The following RSRC1 variants were observed in gnomAD, a reference collection of about 807,000 sequenced individuals.
RSRC1 encodes the protein serine/Arginine-related protein 53.
Under a neutral mutation model 49.1 loss-of-function variants are expected in RSRC1, and 39 were observed. The observed-to-expected ratio is 0.79, with a 90% CI of 0.61 to 1.04. RSRC1 has a LOEUF of 1.04. Among genes scored for constraint, RSRC1 ranks in the 50% least tolerant of loss-of-function variants. The pLI is 0.00. For synonymous variants in RSRC1, 143 were observed against 130.8 expected (o/e 1.09, Z -0.63); for missense variants, 388 against 402.4 (o/e 0.96, Z 0.31).
chr3:158,236,945 T>C (rs546510792), intron 4 of RSRC1, among the ~76,000 whole-genome samples: 4 of 152,266 alleles, frequency 2.6e-5, no homozygotes, highest in African/African-American at 7.2e-5. Context: ...ATAAAACTAG[T>C]CTTAGAATTG....
intron 7 of RSRC1, among the ~76,000 whole-genome samples, chr3:158,492,660 C>A (rs1281315792): frequency 6.6e-6 from 1 of 152,188 alleles, no homozygotes; most frequent in Non-Finnish European, 1.5e-5. Flanking sequence ...TGTTCTCACT[C>A]TTCAAGTTTA....
chr3:158,279,991 A>G (rs1165941614), intron 4 of RSRC1, among the ~76,000 whole-genome samples: 1 of 152,216 alleles, frequency 6.6e-6, no homozygotes, highest in Non-Finnish European at 1.5e-5. Context: ...CAGTAGAGGT[A>G]GTATGCAGGC....
intron 6 of RSRC1, among the ~76,000 whole-genome samples, chr3:158,413,163 A>T (rs992402970): frequency 6.6e-6 from 1 of 152,288 alleles, no homozygotes; most frequent in African/African-American, 2.4e-5. Flanking sequence ...ATGGAACAGA[A>T]TAGAGATCTC....
intron 5 of RSRC1, among the ~76,000 whole-genome samples, chr3:158,339,249 G>A (rs1185047448): frequency 2.1e-5 from 3 of 139,772 alleles, no homozygotes; most frequent in Non-Finnish European, 3.0e-5. Context: ...CAGAGATTGC[G>A]CCACTGCAGT....
chr3:158,392,693 T>G (rs1376005373), intron 6 of RSRC1, among the ~76,000 whole-genome samples: 1 of 151,910 alleles, frequency 6.6e-6, no homozygotes, highest in Non-Finnish European at 1.5e-5. Context: ...TTTTTAGAGA[T>G]CTACAAAGAG....
intron 5 of RSRC1, among the ~76,000 whole-genome samples, chr3:158,328,027 CTG>C (rs919027984): frequency 1.3e-5 from 2 of 152,112 alleles, no homozygotes; most frequent in Non-Finnish European, 2.9e-5. Flanking sequence ...GGTTTAAAGT[CTG>C]TTTTATCAGA....
intron 4 of RSRC1, among the ~76,000 whole-genome samples, chr3:158,226,135 G>C (rs554914303): frequency 2.6e-5 from 4 of 151,998 alleles, no homozygotes; most frequent in East Asian, 1.9e-4. Context: ...TGAGGGAATG[G>C]AATGGGTCTG....
intron 4 of RSRC1, among the ~76,000 whole-genome samples, chr3:158,231,990 T>C (rs948659231): frequency 1.3e-5 from 2 of 151,594 alleles, no homozygotes; most frequent in Admixed American, 1.3e-4. Context: ...ACAGTAGGAG[T>C]GAGATTATTC....
chr3:158,484,947 A>G (rs1738761025), intron 7 of RSRC1, among the ~76,000 whole-genome samples: 1 of 152,088 alleles, frequency 6.6e-6, no homozygotes, highest in African/African-American at 2.4e-5. Flanking sequence ...TCTACATGCT[A>G]GTTTTTGTTT....
intron 5 of RSRC1, among the ~76,000 whole-genome samples, chr3:158,310,265 G>A (rs1728055698): frequency 2.0e-5 from 3 of 151,580 alleles, no homozygotes; most frequent in Admixed American, 6.6e-5. Flanking sequence ...TTCTCCCCTT[G>A]TAATCGTTGT....
chr3:158,348,590 T>C (rs903650387), intron 5 of RSRC1, among the ~76,000 whole-genome samples: 2 of 152,090 alleles, frequency 1.3e-5, no homozygotes, highest in Non-Finnish European at 2.9e-5. Context: ...TTTTATTTTT[T>C]TTTATTTTAG....
intron 6 of RSRC1, among the ~76,000 whole-genome samples, chr3:158,431,786 A>G (rs1008082927): frequency 6.6e-6 from 1 of 151,960 alleles, no homozygotes; most frequent in African/African-American, 2.4e-5. Flanking sequence ...ATTTTTAGGC[A>G]TTAATTTCCC....
At position 158,236,677 on chromosome 3, in the gene RSRC1, T is replaced by C. The variant is rs1578227906; in HGVS notation, c.494+33432T>C. On this transcript the variant is annotated intron_variant, in intron 4 of 9. Coordinates refer to ENST00000611884, the MANE Select transcript of RSRC1 (RefSeq NM_001271838.2). Reference sequence around the variant, plus strand: ...CCTTTTATTGATGAGTAGTATTCCATTGAATGAATGAACCACAATTTATTC... The same window carrying C: ...CCTTTTATTGATGAGTAGTATTCCACTGAATGAATGAACCACAATTTATTC... Among the ~76,000 whole-genome samples the C allele has an allele frequency of 2.6e-5, 4 of 152,288 alleles. No homozygotes were observed. In the East Asian group the frequency reaches 7.7e-4, roughly 29 times the overall value.
chr3:158,532,496 T>TG (rs1434395155), intron 7 of RSRC1, among the ~76,000 whole-genome samples: 5 of 151,944 alleles, frequency 3.3e-5, no homozygotes, highest in Admixed American at 2.0e-4. Flanking sequence ...TGTTATAAAA[T>TG]GTGAAATTGT....
intron 5 of RSRC1, among the ~76,000 whole-genome samples, chr3:158,347,035 T>C (rs1207872640): frequency 6.6e-6 from 1 of 152,244 alleles, no homozygotes; most frequent in African/African-American, 2.4e-5. Flanking sequence ...CACTTTATTG[T>C]AGTTCAATTA....
In RSRC1 at chr3:158,131,739, A is replaced by G. The variant is rs75625046; in HGVS notation, c.320+7748A>G. ...AATTGTTGCCTCATGATTTCTTGAAACTGTACACCTGTAGACTACAAGTGT... is the reference window on the plus strand; with the variant it reads ...AATTGTTGCCTCATGATTTCTTGAAGCTGTACACCTGTAGACTACAAGTGT... On this transcript the variant is annotated intron_variant, in intron 3 of 9. Coordinates refer to ENST00000611884, the MANE Select transcript of RSRC1 (RefSeq NM_001271838.2). 7.5e-3 allele frequency among the ~76,000 whole-genome samples: 1,145 copies of G among 152,256 alleles called. 6 individuals are homozygous for G. The highest frequency in any genetic ancestry group is 0.026 in the African/African-American group (1,087 of 41,564).
intron 3 of RSRC1, among the ~76,000 whole-genome samples, chr3:158,187,144 A>G (rs998975684): frequency 6.6e-6 from 1 of 151,962 alleles, no homozygotes; most frequent in Admixed American, 6.6e-5. Context: ...CTCAAAGTAA[A>G]AACAAAACAA....
chr3:158,143,750 G>A (rs1002346529), intron 3 of RSRC1, among the ~76,000 whole-genome samples: 8 of 152,100 alleles, frequency 5.3e-5, no homozygotes, highest in Admixed American at 5.2e-4. Context: ...AAGGAAGCTG[G>A]TAGAAAAGCC....
intron 4 of RSRC1, among the ~76,000 whole-genome samples, chr3:158,246,607 C>G (rs1723916255): frequency 6.6e-6 from 1 of 152,134 alleles, no homozygotes; most frequent in Non-Finnish European, 1.5e-5. Context: ...ATTTGCTTGT[C>G]TGAAGAGGAT....
Sources: gnomAD v4.1 joint callset for allele counts (sites outside exome capture counted in the v4.1 genomes callset) on GRCh38, gnomAD v4.1.1 for gene constraint, MANE v1.5 for transcripts, NCBI Gene and HGNC (gene_info 2026-07-23, HGNC 2026-07-21) for gene names.